The following ZNRF1 variants were observed in gnomAD, a reference collection of about 807,000 sequenced individuals.
ZNRF1 encodes zinc and ring finger 1, also known as E3 ubiquitin-protein ligase ZNRF1.
Under a neutral mutation model 18.4 loss-of-function variants are expected in ZNRF1, and 3 were observed. The observed-to-expected ratio is 0.16, with a 90% CI of 0.07 to 0.42. The LOEUF is 0.42. ZNRF1 is among the 10% of genes least tolerant of loss of function. The probability of loss-of-function intolerance (pLI) is 0.99; values close to 1 mark genes in which losing one functional copy is unlikely to be tolerated. For missense variants in ZNRF1, 310 were observed against 329.8 expected, an observed-to-expected ratio of 0.94 and a Z score of 0.47; for synonymous variants, 157 against 144.2, an observed-to-expected ratio of 1.09 and a Z score of -0.64.
Position 75,088,425 on chromosome 16 carries a change from T to C in ZNRF1, c.425-5147T>C, listed in dbSNP as rs140925063. ...GCCAAATGGAAAGCAGAACTCCAGA[T>C]AGTTATAACAGAGTTCCTAGGAAAA... is the stretch of plus-strand genomic sequence containing the variant. On this transcript the variant is annotated intron_variant, in intron 1 of 4. Transcript: ENST00000335325. Among the ~76,000 whole-genome samples, 7 of 152,292 alleles carry C rather than the reference T, an allele frequency of 4.6e-5. No individual in the cohort carries two copies. The East Asian group carries it at 9.6e-4, about 21-fold the overall frequency.
intron 4 of ZNRF1, 197 bp from the exon 5 acceptor site, chr16:75,107,536 G>A (rs2036332228): frequency 8.7e-6 from 3 of 345,002 alleles, no homozygotes; most frequent in Non-Finnish European, 1.7e-5. Context: ...GGAGAAGAAA[G>A]AGCCAGGGGG....
chr16:75,035,392 T>TA (rs1327207854), intron 1 of ZNRF1, among the ~76,000 whole-genome samples: 1 of 152,222 alleles, frequency 6.6e-6, no homozygotes, highest in Non-Finnish European at 1.5e-5. Context: ...TGAGACATCT[T>TA]ACTCTGTCAC....
At chr16:75,076,911 C>G (rs943388677) in intron 1 of ZNRF1, among the ~76,000 whole-genome samples, 7 of 151,928 alleles carry the variant, frequency 4.6e-5, no homozygotes, top group African/African-American at 1.7e-4. Flanking sequence ...CAGGGAGAGG[C>G]CCTCACCACA....
intron 1 of ZNRF1, among the ~76,000 whole-genome samples, chr16:75,020,687 G>A (rs1379697755): frequency 6.6e-6 from 1 of 151,786 alleles, no homozygotes; most frequent in Non-Finnish European, 1.5e-5. Context: ...GACTACAGGC[G>A]CTCGCCACCA....
At chr16:75,042,713 A>T (rs116446321) in intron 1 of ZNRF1, among the ~76,000 whole-genome samples, 9 of 152,124 alleles carry the variant, frequency 5.9e-5, no homozygotes. Flanking sequence ...GGTTTTGACT[A>T]TCCTAGGTCC....
At chr16:75,036,061 C>T (rs984867368) in intron 1 of ZNRF1, among the ~76,000 whole-genome samples, 5 of 152,128 alleles carry the variant, frequency 3.3e-5, no homozygotes, top group African/African-American at 1.2e-4. Context: ...TGATGGTCAC[C>T]TGACATTCCT....
In ZNRF1 at chr16:75,000,386, G is replaced by A. The variant is rs374231886; in HGVS notation, c.424+291G>A. ...TATTGGCATCACCCTCCTCAGAGAAGAGGTCGTGTCTGGCTGAGAGCAAGT... is the reference window on the plus strand; with the variant it reads ...TATTGGCATCACCCTCCTCAGAGAAAAGGTCGTGTCTGGCTGAGAGCAAGT... On this transcript the variant is annotated intron_variant, in intron 1 of 4. Transcript: ENST00000335325. 1.8e-4 allele frequency: 106 copies of A among 601,528 alleles called. 2 individuals carry two copies. Among genetic ancestry groups the A allele is most frequent in the South Asian group, 9.8e-4 (64 of 65,592 alleles). 37.3% of individuals were successfully genotyped at this position (601,528 alleles called of 1,614,324 possible).
At chr16:75,081,566 C>G (rs1051869836) in intron 1 of ZNRF1, among the ~76,000 whole-genome samples, 1 of 152,176 alleles carries the variant, frequency 6.6e-6, no homozygotes, top group Non-Finnish European at 1.5e-5. Context: ...TGGCATTGCC[C>G]AAACGCTAGA....
chr16:75,023,706 C>CA (rs543649185), intron 1 of ZNRF1, among the ~76,000 whole-genome samples: 10 of 140,558 alleles, frequency 7.1e-5, no homozygotes, highest in South Asian at 2.3e-4. Flanking sequence ...ACAAAAAAAA[C>CA]AAAAAAAAAG....
intron 1 of ZNRF1, among the ~76,000 whole-genome samples, chr16:75,009,849 A>G (rs1337764927): frequency 1.3e-5 from 2 of 151,934 alleles, no homozygotes; most frequent in Non-Finnish European, 2.9e-5. Flanking sequence ...GATGTGAGGT[A>G]GTATCCCATA....
intron 1 of ZNRF1, among the ~76,000 whole-genome samples, chr16:75,028,515 G>A (rs768461161): frequency 2.6e-5 from 4 of 152,282 alleles, no homozygotes; most frequent in Middle Eastern, 3.4e-3. Context: ...GGCTAGTCTC[G>A]AACTTCTGAC....
chr16:75,088,455 G>A (rs2036099752), intron 1 of ZNRF1, among the ~76,000 whole-genome samples: 1 of 152,214 alleles, frequency 6.6e-6, no homozygotes, highest in Non-Finnish European at 1.5e-5. Context: ...GGAAAAAAAA[G>A]TGTCCATTGT....
intron 1 of ZNRF1, among the ~76,000 whole-genome samples, chr16:75,034,977 A>G (rs922086932): frequency 6.6e-5 from 10 of 152,248 alleles, no homozygotes; most frequent in Admixed American, 3.3e-4. Flanking sequence ...TTGCTGGATC[A>G]TATGGTAATT....
At chr16:75,104,942 AC>A in intron 3 of ZNRF1, 53 bp downstream of exon 3, 1 of 1,415,374 alleles carries the variant, frequency 7.1e-7, no homozygotes, top group Non-Finnish European at 9.8e-7. Flanking sequence ...AGAGGGGCGG[AC>A]CCCCATCTCC....
At chr16:75,050,292 G>A (rs1135533) in intron 1 of ZNRF1, among the ~76,000 whole-genome samples, 109,330 of 151,976 alleles carry the variant, frequency 0.72, 42,500 homozygotes, top group Non-Finnish European at 0.87. Context: ...TGGTGAGGTC[G>A]AGGCGGGAGG....
At chr16:75,076,799 G>T (rs566289765) in intron 1 of ZNRF1, among the ~76,000 whole-genome samples, 22 of 151,642 alleles carry the variant, frequency 1.5e-4, no homozygotes, top group African/African-American at 5.3e-4. Flanking sequence ...CGTGAGTGTG[G>T]TGCCTTTATG....
intron 1 of ZNRF1, among the ~76,000 whole-genome samples, chr16:75,027,814 A>G (rs750123733): frequency 1.3e-5 from 2 of 152,030 alleles, no homozygotes; most frequent in Admixed American, 6.5e-5. Context: ...ATGATTACTA[A>G]CCTTAAACAG....
chr16:75,101,477 C>T (rs933856858), intron 2 of ZNRF1, among the ~76,000 whole-genome samples: 5 of 152,026 alleles, frequency 3.3e-5, no homozygotes, highest in East Asian at 1.9e-4. Context: ...ACTCTTGAGG[C>T]GGAGGTTGCA....
chr16:75,065,172 T>G (rs556625794), intron 1 of ZNRF1, among the ~76,000 whole-genome samples: 12 of 152,362 alleles, frequency 7.9e-5, no homozygotes, highest in Non-Finnish European at 1.5e-4. Context: ...CAGCCAGAGC[T>G]GAAGACGAGG....
Sources: gnomAD v4.1 joint callset for allele counts (sites outside exome capture counted in the v4.1 genomes callset) on GRCh38, gnomAD v4.1.1 for gene constraint, MANE v1.5 for transcripts, NCBI Gene and HGNC (gene_info 2026-07-23, HGNC 2026-07-21) for gene names.